The following APBB2 variants were observed in gnomAD, a reference collection of about 807,000 sequenced individuals.
APBB2 encodes amyloid beta precursor protein binding family B member 2.
Under a neutral mutation model 82.5 loss-of-function variants are expected in APBB2, and 38 were observed. The ratio of observed to expected loss-of-function variants is 0.46; its 90% CI spans 0.36 to 0.60. The LOEUF (loss-of-function observed/expected upper bound fraction) is 0.60. Among genes scored for constraint, APBB2 ranks in the 20% least tolerant of loss-of-function variants. The pLI is 0.00. For missense variants in APBB2, 772 were observed against 972.3 expected, an observed-to-expected ratio of 0.79 and a Z score of 2.74; for synonymous variants, 341 against 368.2, an observed-to-expected ratio of 0.93 and a Z score of 0.85.
At chr4:40,836,479 AAAACAAAC>A (rs371261720) in intron 12 of APBB2, among the ~76,000 whole-genome samples, 4,153 of 152,116 alleles carry the variant, frequency 0.027, 102 homozygotes, top group Non-Finnish European at 0.038. Context: ...CTCCATCTCA[AAAACAAAC>A]AAACAAACAA....
chr4:40,976,873 AC>A (rs766194952), intron 6 of APBB2, among the ~76,000 whole-genome samples: 36 of 151,978 alleles, frequency 2.4e-4, no homozygotes, highest in Admixed American at 9.8e-4. Flanking sequence ...ACATAGTGAG[AC>A]CCCATCCTAT....
intron 1 of APBB2, among the ~76,000 whole-genome samples, chr4:41,151,316 A>G (rs1762217194): frequency 1.3e-5 from 2 of 152,174 alleles, no homozygotes; most frequent in Non-Finnish European, 2.9e-5. Context: ...AACTTTCTTC[A>G]ATTATGGAAA....
intron 12 of APBB2, among the ~76,000 whole-genome samples, chr4:40,843,208 A>T (rs985210435): frequency 8.5e-5 from 13 of 152,224 alleles, no homozygotes; most frequent in Non-Finnish European, 8.8e-5. Flanking sequence ...AACGAGGAGG[A>T]AAGGAAGAAA....
intron 6 of APBB2, among the ~76,000 whole-genome samples, chr4:40,965,792 AATTT>A (rs1449222463): frequency 6.6e-6 from 1 of 152,174 alleles, no homozygotes; most frequent in Non-Finnish European, 1.5e-5. Flanking sequence ...CTTTTTATAA[AATTT>A]ATTTGGAGCC....
intron 2 of APBB2, among the ~76,000 whole-genome samples, chr4:41,109,298 TTC>T (rs1491572585): frequency 6.5e-4 from 82 of 125,672 alleles, no homozygotes; most frequent in Middle Eastern, 8.1e-3. Flanking sequence ...CACTATAATT[TTC>T]TTTTTTTTTT....
chr4:40,962,562 C>T (rs906187905), intron 6 of APBB2, among the ~76,000 whole-genome samples: 3 of 152,104 alleles, frequency 2.0e-5, no homozygotes, highest in Non-Finnish European at 4.4e-5. Flanking sequence ...ACCAAGGTAC[C>T]GCAAACATGT....
At chr4:41,031,743 T>G (rs1716912562) in intron 5 of APBB2, among the ~76,000 whole-genome samples, 1 of 152,202 alleles carries the variant, frequency 6.6e-6, no homozygotes, top group Admixed American at 6.5e-5. Flanking sequence ...ACTATAATAA[T>G]AATCTATTAA....
intron 2 of APBB2, among the ~76,000 whole-genome samples, chr4:41,119,309 T>G (rs1752081192): frequency 6.6e-6 from 1 of 152,104 alleles, no homozygotes; most frequent in Non-Finnish European, 1.5e-5. Flanking sequence ...GAGTTTGAAC[T>G]AGGATCTCTA....
intron 13 of APBB2, among the ~76,000 whole-genome samples, chr4:40,827,619 A>G (rs894266463): frequency 2.0e-5 from 3 of 152,184 alleles, no homozygotes; most frequent in Non-Finnish European, 2.9e-5. Flanking sequence ...AAGACAGACA[A>G]CATGGGTTCA....
intron 6 of APBB2, among the ~76,000 whole-genome samples, chr4:40,982,759 C>A (rs1277766592): frequency 1.3e-5 from 2 of 151,346 alleles, no homozygotes; most frequent in Non-Finnish European, 1.5e-5. Context: ...CCACTGCACA[C>A]CAGCCTGGGC....
intron 6 of APBB2, among the ~76,000 whole-genome samples, chr4:40,954,306 G>C (rs561734478): frequency 6.6e-6 from 1 of 152,242 alleles, no homozygotes; most frequent in Admixed American, 6.5e-5. Context: ...GATTTCCCTC[G>C]GGTCCTTAGG....
chr4:40,936,898 G>A (rs777023432), intron 7 of APBB2, among the ~76,000 whole-genome samples: 5 of 152,076 alleles, frequency 3.3e-5, no homozygotes, highest in Admixed American at 1.3e-4. Context: ...TGGGTGCGGG[G>A]TTTTGTACAT....
rs1717837148 is a variant in APBB2, at chr4:41,033,454, T to C, written c.-50-150A>G. ...TGTCCAAATTTTTGTTTGTTTATAG[T>C]TGGTCATACCACTTTTGATTGAAAC... On this transcript the variant is annotated intron_variant, in intron 4 of 17. Transcript: ENST00000508593. 4 of 505,148 alleles carry C rather than the reference T, an allele frequency of 7.9e-6. No homozygotes were observed. The South Asian group carries it at 9.9e-5, about 13-fold the overall frequency. 31.3% of individuals were successfully genotyped at this position (505,148 alleles called of 1,614,324 possible). A position where few individuals can be genotyped will look rare whatever the true frequency, so the allele number is the denominator to read the frequency against.
intron 6 of APBB2, among the ~76,000 whole-genome samples, chr4:40,999,027 T>C (rs1804412826): frequency 6.6e-6 from 1 of 152,148 alleles, no homozygotes; most frequent in South Asian, 2.1e-4. Flanking sequence ...AACCTCGGTG[T>C]ATTGCAGGTA....
chr4:40,827,398 T>G (rs1750315853), intron 13 of APBB2, among the ~76,000 whole-genome samples, 179 bp from the exon 14 acceptor site: 1 of 152,160 alleles, frequency 6.6e-6, no homozygotes. Context: ...ATTCCACTCA[T>G]TTTCTCTGGG....
chr4:41,194,125 C>A, intron 1 of APBB2: 1 of 146,472 alleles, frequency 6.8e-6, no homozygotes, highest in African/African-American at 2.6e-5. Flanking sequence ...CCATTCTGGG[C>A]AACACAGTGA....
chr4:40,822,866 C>CA (rs901800304), intron 16 of APBB2, among the ~76,000 whole-genome samples: 11 of 152,074 alleles, frequency 7.2e-5, no homozygotes, highest in African/African-American at 2.4e-4. Context: ...GTCGGGTAGG[C>CA]AGAGGGTGGA....
chr4:41,196,908 C>T, intron 1 of APBB2, among the ~76,000 whole-genome samples: 4 of 152,314 alleles, frequency 2.6e-5, no homozygotes, highest in Admixed American at 2.0e-4. Flanking sequence ...CCTCTGAACA[C>T]AGCCCAAGTG....
At chr4:40,895,244 A>C (rs1436319214) in intron 10 of APBB2, among the ~76,000 whole-genome samples, 1 of 152,196 alleles carries the variant, frequency 6.6e-6, no homozygotes, top group Admixed American at 6.5e-5. Flanking sequence ...CAGTGCGCTG[A>C]TCCTCACGTC....
Sources: gnomAD v4.1 joint callset for allele counts (sites outside exome capture counted in the v4.1 genomes callset) on GRCh38, gnomAD v4.1.1 for gene constraint, MANE v1.5 for transcripts, NCBI Gene and HGNC (gene_info 2026-07-23, HGNC 2026-07-21) for gene names.